Variants in ZNF791 observed in about 807,000 individuals in gnomAD.
ZNF791 encodes the protein zinc finger protein 791.
In ZNF791, 4 loss-of-function variants were observed where a neutral mutation model predicts 11.5. That is an observed-to-expected ratio of 0.35 (90% CI 0.17 to 0.80). ZNF791 has a LOEUF of 0.80. ZNF791 is among the 30% of genes least tolerant of loss of function. ZNF791 has a pLI of 0.53. For missense variants in ZNF791, 559 were observed against 699.4 expected, an observed-to-expected ratio of 0.80 and a Z score of 2.26; for synonymous variants, 212 against 228.1, an observed-to-expected ratio of 0.93 and a Z score of 0.64.
rs139201238 is a variant in ZNF791 at position 12,611,015 on chromosome 19, C to G, written c.-65C>G. 4.7e-4 allele frequency: 751 copies of G among 1,611,224 alleles called. 8 individuals carry two copies. The African/African-American group carries it at 8.2e-3, about 18-fold the overall frequency. On this transcript the variant is annotated 5_prime_UTR_variant, in exon 1 of 4. Coordinates refer to ENST00000343325, the MANE Select transcript of ZNF791 (RefSeq NM_153358.3). ...GGTTGCTGTACCCCTGCATCGGATG[C>G]GCTGTACCCTGCGCTGGCTCCGTGA...
At chr19:12,622,893 CAA>C (rs34772341) in intron 1 of ZNF791, among the ~76,000 whole-genome samples, 8 of 93,688 alleles carry the variant, frequency 8.5e-5, no homozygotes, top group Admixed American at 2.6e-4. Flanking sequence ...GACTCCGTCT[CAA>C]AAAAAAAAAA....
rs1250661794 is a variant in ZNF791, at chr19:12,627,840, T to C, written c.311T>C (p.Ile104Thr). 5.6e-6 allele frequency: 9 copies of C among 1,614,058 alleles called. No individual in the cohort carries two copies. The highest frequency in any genetic ancestry group is 7.6e-6 in the Non-Finnish European group (9 of 1,180,034). ...GGAGTAAAACCATATGAGTGTACTA[T>C]CTGTGGAAAAGCCTTCATGCGTCTC... ...TAGVKPYECT[I>T]CGKAFMRLSS... The change falls in exon 4 of 4, where the codon ATC (isoleucine) becomes ACC (threonine). Residue 104 changes from isoleucine (I) to threonine (T), a missense_variant. Transcript: ENST00000343325.
chr19:12,624,184 G>A (rs1224025032), intron 2 of ZNF791, among the ~76,000 whole-genome samples: 1 of 119,300 alleles, frequency 8.4e-6, no homozygotes, highest in African/African-American at 3.3e-5. Flanking sequence ...TTTGAGTCTC[G>A]TCCTGTTCCC....
intron 1 of ZNF791, chr19:12,612,176 A>G (rs1006441225): frequency 4.5e-6 from 4 of 895,924 alleles, no homozygotes; most frequent in Non-Finnish European, 5.3e-6. Context: ...ATTTATTGCC[A>G]TGGAAATAAT....
At chr19:12,624,771 CG>C in intron 3 of ZNF791, 61 bp downstream of exon 3, 1 of 1,359,240 alleles carries the variant, frequency 7.4e-7, no homozygotes, top group Non-Finnish European at 1.0e-6. Flanking sequence ...ATGTTATGGC[CG>C]GGCACGGTGG....
rs929222536 is a variant in ZNF791 at position 12,629,968 on chromosome 19, C to T, written c.*708C>T. 1 of 151,692 alleles carries T rather than the reference C, an allele frequency of 6.6e-6. No homozygotes were observed. Among genetic ancestry groups the T allele is most frequent in the African/African-American group, 2.4e-5 (1 of 41,258 alleles). 9.4% of individuals were successfully genotyped at this position (151,692 alleles called of 1,614,324 possible). A position where few individuals can be genotyped will look rare whatever the true frequency, so the allele number is the denominator to read the frequency against. On this transcript the variant is annotated 3_prime_UTR_variant, in exon 4 of 4. Transcript: ENST00000343325. ...AGGATTGCTTGATGCCAGGACTACT[C>T]TGGTCAACCTAGTGAGACCCTGTCT... is the stretch of plus-strand genomic sequence containing the variant.
At chr19:12,620,639 C>A (rs2023324709) in intron 1 of ZNF791, among the ~76,000 whole-genome samples, 1 of 151,376 alleles carries the variant, frequency 6.6e-6, no homozygotes, top group Non-Finnish European at 1.5e-5. Flanking sequence ...CTGTGTGGAT[C>A]TTTTAACGTA....
At chr19:12,613,255 A>G (rs1289250411) in intron 1 of ZNF791, among the ~76,000 whole-genome samples, 1 of 149,558 alleles carries the variant, frequency 6.7e-6, no homozygotes, top group Non-Finnish European at 1.5e-5. Context: ...CCATCGTGCC[A>G]GGCCTTCTGC....
Position 12,628,105 on chromosome 19 carries a change from A to T in ZNF791, c.576A>T (p.Gln192His). The change falls in exon 4 of 4, where the codon CAA becomes CAT. Residue 192 changes from glutamine (Q) to histidine (H), a missense_variant. By Grantham distance (24) the Gln-to-His change is conservative. Coordinates refer to ENST00000343325, the MANE Select transcript of ZNF791 (RefSeq NM_153358.3). Reference sequence around the variant, plus strand: ...GAGAAAAACCCTATGAATGTAAGCAATGTGGAAAAGCTCTTAGTTGTTCCA... The same window carrying T: ...GAGAAAAACCCTATGAATGTAAGCATTGTGGAAAAGCTCTTAGTTGTTCCA... ...HIGEKPYECK[Q>H]CGKALSCSSS... is the part of the protein sequence containing the mutation. 6.2e-7 allele frequency: 1 copy of T among 1,614,172 alleles called. No homozygotes were observed. The highest frequency in any genetic ancestry group is 1.1e-5 in the South Asian group (1 of 91,086).
At chr19:12,625,992 G>A (rs956349694) in intron 3 of ZNF791, among the ~76,000 whole-genome samples, 2 of 151,134 alleles carry the variant, frequency 1.3e-5, no homozygotes, top group Admixed American at 6.6e-5. Flanking sequence ...TTATAAGCGC[G>A]CACTACTATA....
intron 1 of ZNF791, among the ~76,000 whole-genome samples, chr19:12,618,066 C>T (rs1412533383): frequency 6.6e-6 from 1 of 151,652 alleles, no homozygotes; most frequent in Non-Finnish European, 1.5e-5. Flanking sequence ...TACAGGTGCA[C>T]ACCATCATGC....
Position 12,629,039 on chromosome 19 carries a change from G to A in ZNF791, c.1510G>A (p.Ala504Thr), listed in dbSNP as rs1243205901. Reference protein sequence around the residue: ...KPYECKECGKAFIYPTSFQGH... With the variant: ...KPYECKECGKTFIYPTSFQGH... ...TTATGAATGTAAGGAATGCGGGAAGGCCTTTATTTATCCCACAAGCTTTCA... is the reference window on the plus strand; with the variant it reads ...TTATGAATGTAAGGAATGCGGGAAGACCTTTATTTATCCCACAAGCTTTCA... Residue 504 changes from alanine to threonine, a missense_variant, in exon 4 of 4, where the codon GCC (alanine) becomes ACC (threonine). By Grantham distance (58) the Ala-to-Thr change is moderately conservative. Transcript: ENST00000343325. 6.2e-7 allele frequency: 1 copy of A among 1,612,370 alleles called. No homozygotes were observed. Among genetic ancestry groups the A allele is most frequent in the East Asian group, 2.2e-5 (1 of 44,830 alleles).
intron 1 of ZNF791, among the ~76,000 whole-genome samples, chr19:12,620,451 T>C (rs549778273): frequency 5.9e-5 from 9 of 151,932 alleles, no homozygotes; most frequent in African/African-American, 2.2e-4. Context: ...GCTGGGATTA[T>C]AGGCATGAGC....
Position 12,623,656 on chromosome 19 carries a change from C to T in ZNF791, c.4-44C>T, listed in dbSNP as rs765317465. On this transcript the variant is annotated intron_variant, in intron 1 of 3. Transcript: ENST00000343325. ...CTTATGAATTGAGGATACCTCTCAT[C>T]CTTGTCAATCTCACCTATTCTCTAC... 4 of 1,611,506 alleles carry T rather than the reference C, an allele frequency of 2.5e-6. No individual in the cohort carries two copies. The South Asian group carries it at 4.4e-5, about 18-fold the overall frequency.
intron 2 of ZNF791, 24 bp downstream of exon 2, chr19:12,623,850 TTTTTC>T (rs374398226): frequency 0.038 from 35,616 of 933,318 alleles, 2,473 homozygotes; most frequent in Non-Finnish European, 0.044. Flanking sequence ...CATTTTTTCT[TTTTTC>T]TTTTTTTTTT....
In ZNF791 at chr19:12,628,972, T is replaced by G. The variant is rs756826112; in HGVS notation, c.1443T>G (p.Ser481Arg). 1 of 1,614,004 alleles carries G rather than the reference T, an allele frequency of 6.2e-7. No homozygotes were observed. Among genetic ancestry groups the G allele is most frequent in the East Asian group, 2.2e-5 (1 of 44,872 alleles). The change falls in exon 4 of 4, where the codon AGT (serine) becomes AGG (arginine). Residue 481 changes from serine to arginine, a missense_variant. Transcript: ENST00000343325. ...KQCGKAFSCSSYIRIHKRTHT... is the reference protein window; with the variant it reads ...KQCGKAFSCSRYIRIHKRTHT... ...GTGGAAAAGCCTTTAGTTGTTCTAG[T>G]TACATTCGGATACATAAAAGAACTC...
intron 3 of ZNF791, among the ~76,000 whole-genome samples, chr19:12,627,280 G>A (rs953853115): frequency 3.9e-5 from 6 of 151,990 alleles, no homozygotes; most frequent in African/African-American, 9.7e-5. Context: ...GAGTATATTC[G>A]TTTTTAAACA....
intron 1 of ZNF791, chr19:12,612,258 T>C (rs1599318120): frequency 4.5e-6 from 2 of 440,524 alleles, no homozygotes; most frequent in Non-Finnish European, 6.0e-6. Flanking sequence ...AGGCTGATCT[T>C]GAACTCCTGG....
At position 12,627,710 on chromosome 19, in the gene ZNF791, AT is replaced by A. The variant is rs759111773; in HGVS notation, c.192-5del. 1.9e-6 allele frequency: 3 copies of A among 1,594,720 alleles called. No homozygotes were observed. The South Asian group carries it at 3.4e-5, about 18-fold the overall frequency. On this transcript the variant is annotated splice_polypyrimidine_tract_variant and intron_variant, in intron 3 of 3. Transcript: ENST00000343325. The stretch of plus-strand genomic sequence containing the variant: ...CACAACCAGTATTACCGTGCTTCTA[AT>A]TTTTTACAGAAGCCATACGGGAGAG...
Sources: gnomAD v4.1 joint callset for allele counts (sites outside exome capture counted in the v4.1 genomes callset) on GRCh38, gnomAD v4.1.1 for gene constraint, MANE v1.5 for transcripts, NCBI Gene and HGNC (gene_info 2026-07-23, HGNC 2026-07-21) for gene names.